The following NSG1 variants were observed in gnomAD, a reference collection of about 807,000 sequenced individuals.
NSG1 encodes neuronal vesicle trafficking associated 1.
Under a neutral mutation model 19.3 loss-of-function variants are expected in NSG1, and 9 were observed. The observed-to-expected ratio is 0.47, with a 90% CI of 0.28 to 0.81. The LOEUF is 0.81. Among genes scored for constraint, NSG1 ranks in the 40% least tolerant of loss-of-function variants. NSG1 has a pLI of 0.11. For synonymous variants in NSG1, 104 were observed against 107.0 expected (o/e 0.97, Z 0.17); for missense variants, 236 against 242.4 (o/e 0.97, Z 0.18).
chr4:4,387,493 G>C, intron 1 of NSG1, 111 bp from the exon 2 acceptor site: 1 of 696,872 alleles, frequency 1.4e-6, no homozygotes, highest in South Asian at 1.9e-5. Context: ...AGACGAAGCG[G>C]GGCCGGGGAG....
intron 3 of NSG1, among the ~76,000 whole-genome samples, chr4:4,398,312 G>C (rs1723374215): frequency 6.6e-6 from 1 of 152,150 alleles, no homozygotes; most frequent in East Asian, 1.9e-4. Flanking sequence ...ACCGCTTTAA[G>C]GTAAGTGCCA....
chr4:4,389,470 G>T (rs935699000), intron 2 of NSG1, among the ~76,000 whole-genome samples: 2 of 152,174 alleles, frequency 1.3e-5, no homozygotes, highest in African/African-American at 4.8e-5. Context: ...GGCTTCTAAG[G>T]TCACAATGAG....
intron 4 of NSG1, among the ~76,000 whole-genome samples, chr4:4,410,544 C>T (rs1724118864): frequency 1.3e-5 from 2 of 152,216 alleles, no homozygotes; most frequent in Non-Finnish European, 2.9e-5. Flanking sequence ...TGTTGCTATA[C>T]TGAACAATGT....
rs76725009 is a variant in NSG1 at position 4,402,815 on chromosome 4, G to A, written c.247-6758G>A. ...AAAGGCCCGGCTTCTAAGGAAATGC[G>A]CTTCTCCCAACCTAGAGACTGCCTG... On this transcript the variant is annotated intron_variant, in intron 3 of 4. Coordinates refer to ENST00000621129, the MANE Select transcript of NSG1 (RefSeq NM_014392.5). Among the ~76,000 whole-genome samples the A allele has an allele frequency of 1.3e-3, 205 of 152,312 alleles. 2 individuals carry two copies. Among genetic ancestry groups the A allele is most frequent in the African/African-American group, 4.6e-3 (190 of 41,584 alleles).
chr4:4,392,293 T>C (rs1723035310), intron 3 of NSG1, among the ~76,000 whole-genome samples: 1 of 151,858 alleles, frequency 6.6e-6, no homozygotes. Context: ...GTTGGGATAT[T>C]GATCAGGAAA....
intron 3 of NSG1, among the ~76,000 whole-genome samples, chr4:4,399,704 C>T (rs1233802628): frequency 2.0e-5 from 3 of 152,098 alleles, no homozygotes; most frequent in Non-Finnish European, 4.4e-5. Context: ...GGTCCCCAAC[C>T]TTTTTGGCAC....
chr4:4,414,969 ACAT>A (rs1167869703), intron 4 of NSG1, among the ~76,000 whole-genome samples: 1 of 151,916 alleles, frequency 6.6e-6, no homozygotes, highest in Non-Finnish European at 1.5e-5. Flanking sequence ...AACAACAACA[ACAT>A]GAAATTACTA....
intron 4 of NSG1, among the ~76,000 whole-genome samples, chr4:4,410,023 T>A (rs1560146884): frequency 6.6e-6 from 1 of 152,094 alleles, no homozygotes; most frequent in Non-Finnish European, 1.5e-5. Flanking sequence ...AGCGGATTGC[T>A]CTGGGGGAGG....
chr4:4,397,544 A>G (rs1723316439), intron 3 of NSG1, among the ~76,000 whole-genome samples: 1 of 152,208 alleles, frequency 6.6e-6, no homozygotes, highest in South Asian at 2.1e-4. Flanking sequence ...ACGGGAGCAC[A>G]GCCAGTGCTG....
At chr4:4,388,184 G>A (rs1722834746) in intron 2 of NSG1, among the ~76,000 whole-genome samples, 1 of 152,182 alleles carries the variant, frequency 6.6e-6, no homozygotes, top group Admixed American at 6.5e-5. Flanking sequence ...CCACCGAGGC[G>A]GGGGAGCGTT....
At chr4:4,398,945 C>T (rs73084362) in intron 3 of NSG1, among the ~76,000 whole-genome samples, 42 of 152,278 alleles carry the variant, frequency 2.8e-4, no homozygotes, top group African/African-American at 9.1e-4. Flanking sequence ...CTCACCAGCA[C>T]TTGTTTGTTT....
At chr4:4,415,072 C>G in intron 4 of NSG1, among the ~76,000 whole-genome samples, 1 of 151,984 alleles carries the variant, frequency 6.6e-6, no homozygotes, top group Non-Finnish European at 1.5e-5. Context: ...ATTGGCCATT[C>G]TTTTTTTTCA....
chr4:4,403,259 C>T lies in NSG1; in HGVS notation c.247-6314C>T, dbSNP rs140839346. Among the ~76,000 whole-genome samples, 213 of 152,296 alleles carry T rather than the reference C, an allele frequency of 1.4e-3. 1 individual carries two copies. Among genetic ancestry groups the T allele is most frequent in the Non-Finnish European group, 1.7e-3 (118 of 68,028 alleles). ...CCATGCCATGGCTGAAGACGGCGCA[C>T]GGGCATTCTCCCCAGGCCTGAAAGT... is the stretch of plus-strand genomic sequence containing the variant. On this transcript the variant is annotated intron_variant, in intron 3 of 4. Transcript: ENST00000621129.
intron 4 of NSG1, among the ~76,000 whole-genome samples, chr4:4,414,009 G>C (rs985275759): frequency 6.6e-6 from 1 of 152,138 alleles, no homozygotes; most frequent in Admixed American, 6.5e-5. Flanking sequence ...GAGGACAGCA[G>C]AGGACAGCTT....
At chr4:4,391,819 TTA>T (rs1723009919) in intron 3 of NSG1, among the ~76,000 whole-genome samples, 1 of 152,228 alleles carries the variant, frequency 6.6e-6, no homozygotes, top group African/African-American at 2.4e-5. Flanking sequence ...TTACTTATTT[TTA>T]TAACAGGGGA....
At chr4:4,411,389 AC>A (rs1167878139) in intron 4 of NSG1, among the ~76,000 whole-genome samples, 2 of 152,014 alleles carry the variant, frequency 1.3e-5, no homozygotes, top group Admixed American at 1.3e-4. Flanking sequence ...CTGCCTCCAC[AC>A]CCTGTCCCAC....
intron 4 of NSG1, among the ~76,000 whole-genome samples, chr4:4,413,989 G>A (rs1330816362): frequency 1.3e-5 from 2 of 152,130 alleles, no homozygotes; most frequent in Non-Finnish European, 2.9e-5. Flanking sequence ...AGCTGGCCCT[G>A]AGCCGGAGAG....
intron 3 of NSG1, among the ~76,000 whole-genome samples, chr4:4,405,773 C>T (rs970139057): frequency 1.3e-5 from 2 of 152,208 alleles, no homozygotes; most frequent in Admixed American, 1.3e-4. Flanking sequence ...CCCTTCTCCC[C>T]TTGACTGTTC....
At chr4:4,394,831 G>T (rs1417031922) in intron 3 of NSG1, among the ~76,000 whole-genome samples, 1 of 152,202 alleles carries the variant, frequency 6.6e-6, no homozygotes. Context: ...CTTGCTTGTT[G>T]AGTAAGTTCA....
Sources: allele counts gnomAD v4.1 joint callset (sites outside exome capture counted in the v4.1 genomes callset), GRCh38; gene constraint gnomAD v4.1.1; transcripts MANE v1.5; gene names NCBI Gene and HGNC (gene_info 2026-07-23, HGNC 2026-07-21).